CENPO: variants seen among roughly 807,000 people sequenced by gnomAD.
CENPO encodes the protein centromere protein O, also known as centromeric protein O.
CENPO carries 30 observed loss-of-function variants against 36.1 expected under a neutral mutation model. That is an observed-to-expected ratio of 0.83 (90% CI 0.62 to 1.13). The LOEUF is 1.13. Among genes scored for constraint, CENPO ranks in the 50% most tolerant of loss-of-function variants. The pLI, the probability that CENPO is intolerant of heterozygous loss-of-function variation, is 0.00. For missense variants in CENPO, 349 were observed against 357.8 expected, an observed-to-expected ratio of 0.98 and a Z score of 0.20; for synonymous variants, 171 against 142.3, an observed-to-expected ratio of 1.20 and a Z score of -1.44.
At chr2:24,815,876 C>A in intron 5 of CENPO, 120 bp downstream of exon 5, 2 of 885,676 alleles carry the variant, frequency 2.3e-6, no homozygotes, top group Non-Finnish European at 3.4e-6. Context: ...GTTACCTTTC[C>A]GATGCTTGTT....
intron 4 of CENPO, 34 bp from the exon 5 acceptor site, chr2:24,815,463 G>A (rs779847843): frequency 5.0e-6 from 8 of 1,601,686 alleles, no homozygotes; most frequent in Admixed American, 1.7e-5. Context: ...ACCTTGGCCT[G>A]CTGTCTATTG....
chr2:24,809,988 C>T (rs1190077797), intron 3 of CENPO, among the ~76,000 whole-genome samples: 1 of 149,070 alleles, frequency 6.7e-6, no homozygotes, highest in African/African-American at 2.5e-5. Context: ...GCGGGGGTTA[C>T]AGTGAGCCGA....
At chr2:24,802,088 A>C (rs1175252455) in intron 3 of CENPO, among the ~76,000 whole-genome samples, 1 of 152,148 alleles carries the variant, frequency 6.6e-6, no homozygotes, top group Non-Finnish European at 1.5e-5. Context: ...TCTTTGTAGC[A>C]ATTGTGAGTG....
chr2:24,797,446 C>T (rs561185216), intron 2 of CENPO, among the ~76,000 whole-genome samples: 3 of 152,060 alleles, frequency 2.0e-5, no homozygotes, highest in African/African-American at 4.8e-5. Flanking sequence ...TGTGTGGCAT[C>T]GACATGTATG....
intron 3 of CENPO, among the ~76,000 whole-genome samples, chr2:24,803,424 G>A (rs1165342609): frequency 1.3e-5 from 2 of 151,986 alleles, no homozygotes; most frequent in Non-Finnish European, 2.9e-5. Flanking sequence ...TGATGTTAGG[G>A]TGTCAATTTT....
At chr2:24,816,344 G>A (rs1175015518) in intron 5 of CENPO, 1 of 285,052 alleles carries the variant, frequency 3.5e-6, no homozygotes, top group African/African-American at 2.2e-5. Context: ...ATTGAAATGT[G>A]GATGCAGTCA....
chr2:24,809,618 A>G (rs867874923), intron 3 of CENPO, among the ~76,000 whole-genome samples: 8 of 151,772 alleles, frequency 5.3e-5, no homozygotes, highest in Middle Eastern at 6.8e-3. Context: ...TATCATTTCA[A>G]TTCAAATATT....
In CENPO at chr2:24,815,942, C is replaced by T. The variant is rs562437105; in HGVS notation, c.594+186C>T. The T allele has an allele frequency of 5.8e-4, 355 of 612,718 alleles. 2 individuals are homozygous for T. The highest frequency in any genetic ancestry group is 5.4e-3 in the African/African-American group (293 of 54,096). The allele number at this position is 612,718 out of a possible 1,614,324, so 38.0% of individuals were successfully genotyped here. ...TCTTTTCTTTTGAAACTCTGGATGG[C>T]GTTGAAGCCTGGGTACTGGTTAAAG... is the stretch of plus-strand genomic sequence containing the variant. On this transcript the variant is annotated intron_variant, in intron 5 of 7. Transcript: ENST00000380834.
rs928410394 is a variant in CENPO, at chr2:24,821,031, T to A, written c.*1713T>A. On this transcript the variant is annotated 3_prime_UTR_variant, in exon 8 of 8. Transcript: ENST00000380834. The stretch of plus-strand genomic sequence containing the variant: ...CATCTCCTGTTTATCCGTGTGCTTG[T>A]TAGGTGTCAGCCGCCACCCCCCCCC... The A allele has an allele frequency of 4.7e-5, 41 of 876,466 alleles. No individual in the cohort carries two copies. Among genetic ancestry groups the A allele is most frequent in the Non-Finnish European group, 6.5e-5 (39 of 598,812 alleles). The allele number at this position is 876,466 out of a possible 1,614,324, so 54.3% of individuals were successfully genotyped here.
intron 6 of CENPO, 108 bp from the exon 7 acceptor site, chr2:24,817,562 T>A: frequency 7.0e-7 from 1 of 1,433,328 alleles, no homozygotes; most frequent in Non-Finnish European, 9.5e-7. Context: ...ATGTCAGTGA[T>A]CCAGGCTCCG....
Position 24,793,916 on chromosome 2 carries a change from T to G in CENPO, c.-4T>G, listed in dbSNP as rs758079998. ...CTTCATGGGAAGGCCCTTGGGAATC[T>G]GAGATGGAGCAGGCGAACCCTTTAC... On this transcript the variant is annotated 5_prime_UTR_variant, in exon 2 of 8. It removes the in-frame stop codon of an upstream open reading frame in the 5' UTR. Transcript: ENST00000380834. 6 of 1,614,058 alleles carry G rather than the reference T, an allele frequency of 3.7e-6. No homozygotes were observed. The highest frequency in any genetic ancestry group is 1.7e-5 in the Admixed American group (1 of 59,998).
chr2:24,821,847 G>T lies in CENPO; in HGVS notation c.*2529G>T, dbSNP rs915085256. 8 of 648,846 alleles carry T rather than the reference G, an allele frequency of 1.2e-5. No individual in the cohort carries two copies. The highest frequency in any genetic ancestry group is 1.8e-5 in the Non-Finnish European group (7 of 399,194). 40.2% of individuals were successfully genotyped at this position (648,846 alleles called of 1,614,324 possible). Reference sequence around the variant, plus strand: ...ACGTAGCAGGTCTAGGCAAAGACTGGGCAATTGAGCAGAGGAGACGGACCT... The same window carrying T: ...ACGTAGCAGGTCTAGGCAAAGACTGTGCAATTGAGCAGAGGAGACGGACCT... On this transcript the variant is annotated 3_prime_UTR_variant, in exon 8 of 8. Transcript: ENST00000380834.
intron 2 of CENPO, 64 bp downstream of exon 2, chr2:24,794,029 C>A: frequency 7.8e-7 from 1 of 1,278,374 alleles, no homozygotes; most frequent in Non-Finnish European, 1.1e-6. Context: ...GCTGAGAGAG[C>A]CCTTTCCTCC....
At chr2:24,794,845 C>T (rs1665815155) in intron 2 of CENPO, among the ~76,000 whole-genome samples, 1 of 152,126 alleles carries the variant, frequency 6.6e-6, no homozygotes, top group Non-Finnish European at 1.5e-5. Flanking sequence ...AAGGGTTCTA[C>T]GTTAGTACTT....
At position 24,821,884 on chromosome 2, in the gene CENPO, CA is replaced by C. The variant is rs1553331457; in HGVS notation, c.*2567del. On this transcript the variant is annotated 3_prime_UTR_variant, in exon 8 of 8. Transcript: ENST00000380834. ...GAGGAGACGGACCTGTGAGTCTGAC[CA>C]CGAGGCGGACCCCTTCACCTTGGCT... is the stretch of plus-strand genomic sequence containing the variant. 1 of 493,604 alleles carries C rather than the reference CA, an allele frequency of 2.0e-6. No homozygotes were observed. The highest frequency in any genetic ancestry group is 3.5e-6 in the Non-Finnish European group (1 of 282,244). The allele number at this position is 493,604 out of a possible 1,614,324, so 30.6% of individuals were successfully genotyped here.
intron 2 of CENPO, among the ~76,000 whole-genome samples, chr2:24,798,275 GTATATA>G (rs113677572): frequency 0.18 from 26,168 of 149,418 alleles, 3,010 homozygotes; most frequent in Admixed American, 0.31. Context: ...GTATGTGTGT[GTATATA>G]TATATATATA....
chr2:24,821,060 A>G lies in CENPO; in HGVS notation c.*1742A>G. 2 of 598,042 alleles carry G rather than the reference A, an allele frequency of 3.3e-6. No homozygotes were observed. Among genetic ancestry groups the G allele is most frequent in the Non-Finnish European group, 5.6e-6 (2 of 359,678 alleles). 37.0% of individuals were successfully genotyped at this position (598,042 alleles called of 1,614,324 possible). A position where few individuals can be genotyped will look rare whatever the true frequency, so the allele number is the denominator to read the frequency against. On this transcript the variant is annotated 3_prime_UTR_variant, in exon 8 of 8. Transcript: ENST00000380834. ...GTGTCAGCCGCCACCCCCCCCCCAT[A>G]TGCAGATTTACTCGGCATGGTAGTG... is the stretch of plus-strand genomic sequence containing the variant.
chr2:24,793,668 G>C (rs909789782), intron 1 of CENPO, 167 bp downstream of exon 1: 58 of 1,146,842 alleles, frequency 5.1e-5, no homozygotes, highest in Non-Finnish European at 7.1e-5. Context: ...ATGGGCGCGG[G>C]GGTGGGCATG....
intron 3 of CENPO, among the ~76,000 whole-genome samples, chr2:24,804,276 A>G (rs1157753330): frequency 1.3e-5 from 2 of 151,514 alleles, no homozygotes; most frequent in Non-Finnish European, 3.0e-5. Context: ...GGTCTTGACT[A>G]TCCAGTTTGC....
Sources: gnomAD v4.1 joint callset for allele counts (sites outside exome capture counted in the v4.1 genomes callset) on GRCh38, gnomAD v4.1.1 for gene constraint, MANE v1.5 for transcripts, NCBI Gene and HGNC (gene_info 2026-07-23, HGNC 2026-07-21) for gene names.